AHCY: variants seen among roughly 807,000 people sequenced by gnomAD.
The protein encoded by AHCY is adenosylhomocysteinase, also known as S-adenosyl-L-homocysteine hydrolase.
A neutral mutation model predicts 45.4 loss-of-function variants in AHCY; 24 were observed. That is an observed-to-expected ratio of 0.53 (90% CI 0.38 to 0.74). The LOEUF (loss-of-function observed/expected upper bound fraction) is 0.74. AHCY is among the 30% of genes least tolerant of loss of function. The pLI is 0.00. For missense variants in AHCY, 449 were observed against 594.1 expected, an observed-to-expected ratio of 0.76 and a Z score of 2.54; for synonymous variants, 245 against 235.1, an observed-to-expected ratio of 1.04 and a Z score of -0.39.
At chr20:34,261,762 A>G in the AHCY span, among the ~76,000 whole-genome samples, 1 of 152,132 alleles carries the variant, frequency 6.6e-6, no homozygotes, top group Non-Finnish European at 1.5e-5. Context: ...TGATCACACC[A>G]TTGCACTCCA....
At chr20:34,259,379 G>C in the AHCY span, among the ~76,000 whole-genome samples, 65 of 151,868 alleles carry the variant, frequency 4.3e-4, 1 homozygote, top group African/African-American at 1.4e-3. Flanking sequence ...CAGGTGTGGT[G>C]GTGGGCACCT....
intron 3 of AHCY, 134 bp downstream of exon 3, chr20:34,293,947 T>C: frequency 2.2e-6 from 2 of 896,586 alleles, no homozygotes; most frequent in Non-Finnish European, 3.6e-6. Context: ...GTGGGGTCGC[T>C]GGGCTAGGAT....
the AHCY span, among the ~76,000 whole-genome samples, chr20:34,244,751 T>C: frequency 6.6e-6 from 1 of 152,230 alleles, no homozygotes. Flanking sequence ...TTTAAGGCTT[T>C]TAGCATACTT....
the AHCY span, chr20:34,260,631 C>T: frequency 9.0e-6 from 12 of 1,326,114 alleles, no homozygotes; most frequent in African/African-American, 2.9e-5. Flanking sequence ...GCCATGGTCA[C>T]GGCTCCTTCT....
At chr20:34,235,870 GA>G in the AHCY span, among the ~76,000 whole-genome samples, 1 of 28,952 alleles carries the variant, frequency 3.5e-5, no homozygotes, top group Admixed American at 4.6e-4. Flanking sequence ...GGAAGGAAAG[GA>G]AGGAAGGAAG....
the AHCY span, among the ~76,000 whole-genome samples, chr20:34,245,444 A>C: frequency 7.3e-5 from 11 of 150,464 alleles, no homozygotes; most frequent in Non-Finnish European, 1.3e-4. Flanking sequence ...GTTGGAGTGC[A>C]ATGGCAGATC....
chr20:34,296,296 A>G (rs2036576399), intron 1 of AHCY, among the ~76,000 whole-genome samples: 1 of 152,108 alleles, frequency 6.6e-6, no homozygotes, highest in African/African-American at 2.4e-5. Flanking sequence ...CCAGAGACCA[A>G]CCTACCCTGG....
At chr20:34,289,201 T>C (rs1024938474) in intron 8 of AHCY, among the ~76,000 whole-genome samples, 2 of 151,614 alleles carry the variant, frequency 1.3e-5, no homozygotes, top group Non-Finnish European at 2.9e-5. Flanking sequence ...TGAGACAGAG[T>C]CTCGCACTGT....
At chr20:34,250,098 C>T in the AHCY span, 3 of 152,286 alleles carry the variant, frequency 2.0e-5, no homozygotes, top group Admixed American at 6.5e-5. Flanking sequence ...ATGAGCTTTA[C>T]CAAGAACCCC....
At chr20:34,285,404 C>A (rs542200214) in intron 9 of AHCY, 36 bp downstream of exon 9, 1 of 1,611,280 alleles carries the variant, frequency 6.2e-7, no homozygotes, top group East Asian at 2.2e-5. Flanking sequence ...GGATTAGACA[C>A]GTGACCCTTG....
intron 9 of AHCY, among the ~76,000 whole-genome samples, chr20:34,284,204 G>A (rs191759261): frequency 1.3e-5 from 2 of 152,126 alleles, no homozygotes; most frequent in South Asian, 2.1e-4. Flanking sequence ...TCTGTCACCA[G>A]GCTGGAGTGC....
chr20:34,250,927 C>T, the AHCY span, among the ~76,000 whole-genome samples: 12 of 152,240 alleles, frequency 7.9e-5, no homozygotes, highest in South Asian at 8.3e-4. Flanking sequence ...ACACTCAGGA[C>T]GCTGAGTGTA....
intron 9 of AHCY, among the ~76,000 whole-genome samples, chr20:34,284,733 G>A (rs2036115000): frequency 6.6e-6 from 1 of 152,158 alleles, no homozygotes; most frequent in African/African-American, 2.4e-5. Flanking sequence ...TGAGGTGGGA[G>A]GATTGCTTGA....
At chr20:34,268,991 A>G in the AHCY span, 9 of 1,603,206 alleles carry the variant, frequency 5.6e-6, no homozygotes, top group East Asian at 4.5e-5. Flanking sequence ...TCCCACGCAG[A>G]AGGAGGCTTC....
chr20:34,302,636 AG>A (rs2036816561), intron 1 of AHCY: 3 of 985,728 alleles, frequency 3.0e-6, no homozygotes, highest in Non-Finnish European at 3.6e-6. Flanking sequence ...GTGGGACAGC[AG>A]GATTTTTCAA....
chr20:34,266,269 G>A, the AHCY span, among the ~76,000 whole-genome samples: 1 of 150,526 alleles, frequency 6.6e-6, no homozygotes, highest in Non-Finnish European at 1.5e-5. Flanking sequence ...GGAGAATGGC[G>A]TGAACCCGGG....
chr20:34,237,359 T>C, the AHCY span, among the ~76,000 whole-genome samples: 9 of 152,234 alleles, frequency 5.9e-5, no homozygotes, highest in East Asian at 3.8e-4. Context: ...CAATGTTCTA[T>C]AGTTGTCATT....
At chr20:34,257,326 C>A in the AHCY span, among the ~76,000 whole-genome samples, 8 of 152,068 alleles carry the variant, frequency 5.3e-5, no homozygotes, top group Non-Finnish European at 1.2e-4. Context: ...CCCAAGTGAT[C>A]CATTCGCTTC....
rs1382257949 is a variant in AHCY, at chr20:34,292,421, T to C, written c.382A>G (p.Ile128Val). The C allele has an allele frequency of 6.2e-7, 1 of 1,613,988 alleles. No homozygotes were observed. The highest frequency in any genetic ancestry group is 1.7e-5 in the Admixed American group (1 of 60,032). The change falls in exon 4 of 10, where the codon ATT becomes GTT. Residue 128 changes from isoleucine to valine, a missense_variant. Transcript: ENST00000217426. ...LYFKDGPLNM[I>V]LDDGGDLTNL... ...GTGAGGTCGCCCCCGTCGTCCAGAATCATGTTGAGGGGCCCGTCCTTGAAG... is the reference window on the plus strand; with the variant it reads ...GTGAGGTCGCCCCCGTCGTCCAGAACCATGTTGAGGGGCCCGTCCTTGAAG...
Sources: allele counts gnomAD v4.1 joint callset (sites outside exome capture counted in the v4.1 genomes callset), GRCh38; gene constraint gnomAD v4.1.1; transcripts MANE v1.5; gene names NCBI Gene and HGNC (gene_info 2026-07-23, HGNC 2026-07-21).